MEOX2: variants seen among roughly 807,000 people sequenced by gnomAD.
MEOX2 encodes the protein homeobox protein MOX-2.
MEOX2 carries 11 observed loss-of-function variants against 27.0 expected under a neutral mutation model. The observed-to-expected ratio is 0.41, with a 90% CI of 0.26 to 0.68. The LOEUF (loss-of-function observed/expected upper bound fraction) is 0.68, where lower values mean the gene tolerates loss of function less well. Ranked by LOEUF, MEOX2 falls within the 30% of genes least tolerant of loss-of-function variation. MEOX2 has a pLI of 0.33. For synonymous variants in MEOX2, 189 were observed against 155.4 expected (o/e 1.22, Z -1.61); for missense variants, 436 against 385.4 (o/e 1.13, Z -1.10).
chr7:15,666,769 AAAAAAAAAAAATAT>A (rs1258974575), intron 1 of MEOX2, among the ~76,000 whole-genome samples: 121 of 81,224 alleles, frequency 1.5e-3, no homozygotes, highest in East Asian at 0.013. Flanking sequence ...AAAAAAAAAA[AAAAAAAAAAAATAT>A]ATATATATAT....
intron 1 of MEOX2, among the ~76,000 whole-genome samples, chr7:15,644,542 C>A (rs1229730022): frequency 6.6e-6 from 1 of 152,118 alleles, no homozygotes; most frequent in Non-Finnish European, 1.5e-5. Flanking sequence ...TGCTCCTGCA[C>A]CTTGGACAGA....
intron 1 of MEOX2, among the ~76,000 whole-genome samples, chr7:15,685,429 A>C (rs2115400674): frequency 6.6e-6 from 1 of 152,262 alleles, no homozygotes; most frequent in African/African-American, 2.4e-5. Context: ...ATTGTGCAAT[A>C]ATTTGGAAAT....
At chr7:15,622,678 T>A (rs567941672) in intron 2 of MEOX2, among the ~76,000 whole-genome samples, 1 of 152,248 alleles carries the variant, frequency 6.6e-6, no homozygotes, top group East Asian at 1.9e-4. Flanking sequence ...GGTCAAGATA[T>A]AGATTACATG....
At chr7:15,624,361 T>C (rs1269736467) in intron 2 of MEOX2, among the ~76,000 whole-genome samples, 1 of 152,228 alleles carries the variant, frequency 6.6e-6, no homozygotes, top group Non-Finnish European at 1.5e-5. Context: ...TCTCATGTTC[T>C]GTGTTAATTT....
At chr7:15,616,164 A>G (rs1018579122) in intron 2 of MEOX2, among the ~76,000 whole-genome samples, 2 of 151,846 alleles carry the variant, frequency 1.3e-5, no homozygotes, top group Non-Finnish European at 3.0e-5. Context: ...GCATTTGATT[A>G]TATAGAATAA....
At chr7:15,665,230 G>T (rs6972599) in intron 1 of MEOX2, among the ~76,000 whole-genome samples, 124,813 of 152,048 alleles carry the variant, frequency 0.82, 51,565 homozygotes, top group African/African-American at 0.89. Flanking sequence ...CAGATACATT[G>T]CCAGAATAAC....
At chr7:15,618,947 G>A (rs940438605) in intron 2 of MEOX2, among the ~76,000 whole-genome samples, 17 of 151,924 alleles carry the variant, frequency 1.1e-4, no homozygotes, top group African/African-American at 3.9e-4. Flanking sequence ...AAGTGACAAA[G>A]GGATCTGAAG....
At chr7:15,665,774 A>T (rs1397810699) in intron 1 of MEOX2, among the ~76,000 whole-genome samples, 1 of 152,212 alleles carries the variant, frequency 6.6e-6, no homozygotes, top group East Asian at 1.9e-4. Context: ...GTAGATTTAT[A>T]TGCTATCTTT....
At chr7:15,664,551 T>G (rs1219833107) in intron 1 of MEOX2, among the ~76,000 whole-genome samples, 1 of 152,132 alleles carries the variant, frequency 6.6e-6, no homozygotes, top group Non-Finnish European at 1.5e-5. Context: ...ACCTTTCTAG[T>G]AAAAGCTCCT....
intron 1 of MEOX2, among the ~76,000 whole-genome samples, chr7:15,684,988 G>A (rs950959901): frequency 6.6e-6 from 1 of 152,208 alleles, no homozygotes; most frequent in Non-Finnish European, 1.5e-5. Flanking sequence ...CTTTTGCATG[G>A]CTGCTCAAAT....
intron 2 of MEOX2, among the ~76,000 whole-genome samples, chr7:15,621,795 T>C (rs561618050): frequency 3.9e-5 from 6 of 152,194 alleles, no homozygotes; most frequent in Non-Finnish European, 8.8e-5. Context: ...AAGTAAGTTT[T>C]CATTTAGGAG....
chr7:15,685,032 C>T (rs1425181584), intron 1 of MEOX2, among the ~76,000 whole-genome samples: 1 of 152,046 alleles, frequency 6.6e-6, no homozygotes, highest in Non-Finnish European at 1.5e-5. Context: ...CCTGCGCGCA[C>T]CCTTGCATAC....
chr7:15,633,231 G>A (rs947478203), intron 1 of MEOX2, among the ~76,000 whole-genome samples: 3 of 151,822 alleles, frequency 2.0e-5, no homozygotes, highest in African/African-American at 7.2e-5. Context: ...TTTAATACAC[G>A]CAGAAGCAAT....
intron 1 of MEOX2, among the ~76,000 whole-genome samples, chr7:15,664,740 G>C (rs563328326): frequency 8.5e-5 from 13 of 152,130 alleles, no homozygotes; most frequent in Non-Finnish European, 1.9e-4. Context: ...AAGTTTGCAA[G>C]GGCTGTACAG....
intron 1 of MEOX2, among the ~76,000 whole-genome samples, chr7:15,633,793 C>G (rs1781439472): frequency 6.6e-6 from 1 of 151,790 alleles, no homozygotes; most frequent in African/African-American, 2.4e-5. Flanking sequence ...CTCTGGGTAA[C>G]TTATGAGTAT....
intron 1 of MEOX2, among the ~76,000 whole-genome samples, chr7:15,683,063 G>C (rs1016457792): frequency 3.9e-5 from 6 of 151,998 alleles, no homozygotes; most frequent in African/African-American, 1.4e-4. Flanking sequence ...ATGTGCATTT[G>C]TGGAGGGAAA....
chr7:15,660,803 C>T (rs1250744315), intron 1 of MEOX2, among the ~76,000 whole-genome samples: 1 of 151,894 alleles, frequency 6.6e-6, no homozygotes, highest in Non-Finnish European at 1.5e-5. Flanking sequence ...AGGCAGATCA[C>T]CTGAGGTCAG....
At chr7:15,615,338 A>C (rs934057359) in intron 2 of MEOX2, among the ~76,000 whole-genome samples, 3 of 152,106 alleles carry the variant, frequency 2.0e-5, no homozygotes, top group African/African-American at 7.2e-5. Flanking sequence ...GGTTTGTTTG[A>C]TTCCAGATTC....
At chr7:15,625,343 TGTGAA>T (rs964575765) in intron 2 of MEOX2, among the ~76,000 whole-genome samples, 8 of 152,184 alleles carry the variant, frequency 5.3e-5, no homozygotes, top group Admixed American at 1.3e-4. Context: ...GAATTTTGTA[TGTGAA>T]GTCTAAGGGA....
Sources: gnomAD v4.1 joint callset for allele counts (sites outside exome capture counted in the v4.1 genomes callset) on GRCh38, gnomAD v4.1.1 for gene constraint, MANE v1.5 for transcripts, NCBI Gene and HGNC (gene_info 2026-07-23, HGNC 2026-07-21) for gene names.